The following SULF2 variants were observed in gnomAD, a reference collection of about 807,000 sequenced individuals.
SULF2 encodes the protein extracellular sulfatase Sulf-2.
A neutral mutation model predicts 107.7 loss-of-function variants in SULF2; 52 were observed. That is an observed-to-expected ratio of 0.48 (90% CI 0.39 to 0.61). The LOEUF is 0.61. Ranked by LOEUF, SULF2 falls within the 20% of genes least tolerant of loss-of-function variation. The pLI, the probability that SULF2 is intolerant of heterozygous loss-of-function variation, is 0.00. For synonymous variants in SULF2, 460 were observed against 464.3 expected (o/e 0.99, Z 0.12); for missense variants, 993 against 1,177.3 (o/e 0.84, Z 2.29).
At chr20:47,691,571 T>C (rs2088197788) in intron 4 of SULF2, among the ~76,000 whole-genome samples, 1 of 152,154 alleles carries the variant, frequency 6.6e-6, no homozygotes, top group Non-Finnish European at 1.5e-5. Flanking sequence ...GAATCACTGA[T>C]CCAGGAAAGA....
chr20:47,708,367 A>G (rs892470252), intron 3 of SULF2, among the ~76,000 whole-genome samples: 1 of 152,080 alleles, frequency 6.6e-6, no homozygotes, highest in African/African-American at 2.4e-5. Context: ...CCCAAGGGGG[A>G]CAGTGAGGGA....
At chr20:47,746,650 T>G (rs118146154) in intron 2 of SULF2, among the ~76,000 whole-genome samples, 5,998 of 151,950 alleles carry the variant, frequency 0.039, 135 homozygotes, top group Non-Finnish European at 0.054. Context: ...GGAGCCACAC[T>G]TGGGCAAAAG....
chr20:47,683,306 T>G, intron 6 of SULF2, 137 bp from the exon 7 acceptor site: 1 of 823,636 alleles, frequency 1.2e-6, no homozygotes. Flanking sequence ...TCCCAGGGGC[T>G]GTCCCCTTTG....
At chr20:47,774,261 C>A (rs960595833) in intron 1 of SULF2, among the ~76,000 whole-genome samples, 4 of 152,198 alleles carry the variant, frequency 2.6e-5, no homozygotes, top group Admixed American at 1.3e-4. Flanking sequence ...AGAGGCTCTG[C>A]GAGCTGAGAT....
intron 5 of SULF2, chr20:47,686,127 G>A (rs1007552980): frequency 1.3e-5 from 2 of 152,246 alleles, no homozygotes; most frequent in African/African-American, 4.8e-5. Context: ...GCTTGGGAGA[G>A]GTTATCATTG....
chr20:47,671,157 C>G (rs1168495791), intron 11 of SULF2, among the ~76,000 whole-genome samples: 2 of 152,206 alleles, frequency 1.3e-5, no homozygotes, highest in African/African-American at 2.4e-5. Context: ...AGAAGAGTCC[C>G]TCTCTCCACT....
intron 1 of SULF2, among the ~76,000 whole-genome samples, chr20:47,779,217 A>G (rs1026285030): frequency 6.6e-6 from 1 of 152,222 alleles, no homozygotes; most frequent in Non-Finnish European, 1.5e-5. Context: ...CAGGTTAAGC[A>G]GCATCCCTGG....
At chr20:47,737,179 T>C (rs574058761) in intron 2 of SULF2, among the ~76,000 whole-genome samples, 5 of 152,234 alleles carry the variant, frequency 3.3e-5, no homozygotes, top group Admixed American at 6.5e-5. Flanking sequence ...TCTGGAGGAT[T>C]TTGCAATGGT....
chr20:47,778,841 G>C (rs1424457780), intron 1 of SULF2, among the ~76,000 whole-genome samples: 1 of 151,822 alleles, frequency 6.6e-6, no homozygotes, highest in Non-Finnish European at 1.5e-5. Flanking sequence ...GGGGGAGGCT[G>C]GGGGGAGAAA....
At chr20:47,770,714 A>C (rs2090613708) in intron 1 of SULF2, among the ~76,000 whole-genome samples, 1 of 152,214 alleles carries the variant, frequency 6.6e-6, no homozygotes, top group Admixed American at 6.5e-5. Context: ...GAGAAGGCTC[A>C]GCAGGGCCTT....
At chr20:47,746,159 A>T (rs971827096) in intron 2 of SULF2, among the ~76,000 whole-genome samples, 2 of 152,224 alleles carry the variant, frequency 1.3e-5, no homozygotes, top group African/African-American at 4.8e-5. Flanking sequence ...CCCTGTGGGC[A>T]TGGAGTTTGC....
At chr20:47,747,504 C>T (rs950771071) in intron 2 of SULF2, among the ~76,000 whole-genome samples, 2 of 152,056 alleles carry the variant, frequency 1.3e-5, no homozygotes, top group East Asian at 1.9e-4. Context: ...GTGTAATTGA[C>T]GAGGCTCTGC....
chr20:47,766,191 C>G (rs1177919616), intron 1 of SULF2, among the ~76,000 whole-genome samples: 1 of 152,236 alleles, frequency 6.6e-6, no homozygotes, highest in South Asian at 2.1e-4. Flanking sequence ...AAACTTTACA[C>G]TCCCCTGTGT....
chr20:47,665,385 T>A, intron 13 of SULF2, 92 bp from the exon 14 acceptor site: 4 of 879,290 alleles, frequency 4.5e-6, no homozygotes, highest in Non-Finnish European at 5.8e-6. Context: ...GCCGTGTCTG[T>A]GCTCAGCAGC....
intron 3 of SULF2, among the ~76,000 whole-genome samples, chr20:47,711,836 C>T (rs2088939223): frequency 1.3e-5 from 2 of 151,948 alleles, no homozygotes; most frequent in African/African-American, 4.8e-5. Flanking sequence ...AAATACACTA[C>T]ATATACATAC....
intron 19 of SULF2, 92 bp downstream of exon 19, chr20:47,659,605 C>T: frequency 2.9e-6 from 4 of 1,394,162 alleles, no homozygotes; most frequent in South Asian, 1.2e-5. Context: ...GGCAGTTTCT[C>T]AAGATAACAG....
rs79666722 is a variant in SULF2 at position 47,726,884 on chromosome 20, C to T, written c.415+9819G>A. Among the ~76,000 whole-genome samples the T allele has an allele frequency of 3.6e-3, 550 of 152,262 alleles. 4 individuals are homozygous for T. The highest frequency in any genetic ancestry group is 0.012 in the African/African-American group (515 of 41,550). ...ACTTTTGACCCTGCAGCTGTTTCAA[C>T]GCCCACTGCAGGTGGAGATTCCTTG... On this transcript the variant is annotated intron_variant, in intron 3 of 20. Coordinates refer to ENST00000688720, the MANE Select transcript of SULF2 (RefSeq NM_001387048.1).
intron 3 of SULF2, 34 bp downstream of exon 3, chr20:47,736,669 C>T (rs374066658): frequency 2.0e-5 from 32 of 1,612,600 alleles, no homozygotes; most frequent in Non-Finnish European, 2.7e-5. Flanking sequence ...CTGGCTGTCA[C>T]TCCCTTCCTG....
intron 3 of SULF2, among the ~76,000 whole-genome samples, chr20:47,724,248 G>T (rs1417083540): frequency 6.6e-6 from 1 of 152,274 alleles, no homozygotes; most frequent in Non-Finnish European, 1.5e-5. Flanking sequence ...CCGGCTGTGG[G>T]TGGGGAGAAG....
Sources: gnomAD v4.1 joint callset for allele counts (sites outside exome capture counted in the v4.1 genomes callset) on GRCh38, gnomAD v4.1.1 for gene constraint, MANE v1.5 for transcripts, NCBI Gene and HGNC (gene_info 2026-07-23, HGNC 2026-07-21) for gene names.